The following SPATA21 variants were observed in gnomAD, a reference collection of about 807,000 sequenced individuals.
SPATA21 encodes the protein spermatogenesis associated 21, also known as spermatogenesis-associated protein 21.
SPATA21 carries 47 observed loss-of-function variants against 54.8 expected under a neutral mutation model. The ratio of observed to expected loss-of-function variants is 0.86; its 90% CI spans 0.68 to 1.09. SPATA21 has a LOEUF of 1.09. Ranked by LOEUF, SPATA21 falls within the 50% of genes least tolerant of loss-of-function variation. The probability of loss-of-function intolerance (pLI) is 0.00; values close to 1 mark genes in which losing one functional copy is unlikely to be tolerated. For missense variants in SPATA21, 599 were observed against 596.4 expected (o/e 1.00, Z -0.05); for synonymous variants, 245 against 235.3 (o/e 1.04, Z -0.38).
chr1:16,424,094 T>C (rs901960663), intron 3 of SPATA21, among the ~76,000 whole-genome samples: 4 of 150,802 alleles, frequency 2.7e-5, no homozygotes, highest in Non-Finnish European at 4.4e-5. Flanking sequence ...AAATATTAAA[T>C]TGTACACTTA....
At chr1:16,419,710 C>T (rs879479053) in intron 5 of SPATA21, among the ~76,000 whole-genome samples, 16 of 152,124 alleles carry the variant, frequency 1.1e-4, no homozygotes, top group South Asian at 2.1e-4. Flanking sequence ...GAGGCTGAGG[C>T]GGGCGGATCA....
intron 3 of SPATA21, among the ~76,000 whole-genome samples, chr1:16,429,726 G>A (rs146478904): frequency 0.07 from 10,109 of 145,204 alleles, 410 homozygotes; most frequent in Middle Eastern, 0.16. Context: ...CACCCGCCTC[G>A]GCCTCCCAAA....
At chr1:16,412,106 C>T (rs1056471267) in intron 5 of SPATA21, among the ~76,000 whole-genome samples, 3 of 152,156 alleles carry the variant, frequency 2.0e-5, no homozygotes, top group African/African-American at 7.2e-5. Flanking sequence ...CCCCTGCCTC[C>T]GGTGCTGGCT....
Position 16,411,805 on chromosome 1 carries a change from AAAAC to A in SPATA21, c.145-1766_145-1763del, listed in dbSNP as rs1163881343. ...ACTCTGTCTCAAAAAAAAAAAAAAA[AAAAC>A]AAAACAAAACAAAGTCTCCTGATAC... On this transcript the variant is annotated intron_variant, in intron 5 of 12. Transcript: ENST00000335496. Among the ~76,000 whole-genome samples the A allele has an allele frequency of 1.7e-4, 23 of 133,524 alleles. 3 individuals carry two copies. The highest frequency in any genetic ancestry group is 1.6e-4 in the Non-Finnish European group (10 of 61,158). The allele number at this position is 133,524 out of a possible 152,430, so 87.6% of individuals were successfully genotyped here.
chr1:16,409,640 T>G lies in SPATA21; in HGVS notation c.548A>C (p.His183Pro). 5 of 1,613,018 alleles carry G rather than the reference T, an allele frequency of 3.1e-6. No homozygotes were observed. Among genetic ancestry groups the G allele is most frequent in the Non-Finnish European group, 4.2e-6 (5 of 1,179,978 alleles). The change falls in exon 6 of 13, where the codon CAC becomes CCC. Residue 183 changes from histidine to proline, a missense_variant. Physicochemically the swap from His to Pro is moderately conservative, Grantham distance 77 (BLOSUM62 -2). Coordinates refer to ENST00000335496, the MANE Select transcript of SPATA21 (RefSeq NM_198546.1). This position sits in a 1 kb window ranked among gnomAD's most constrained non-coding sequence, Gnocchi z 4.1. The part of the protein sequence containing the change: ...DLGWRRMELL[H>P]QSSERTLSYA... ...GCTCAGGGTTCTCTCGCTGCTCTGG[T>G]GCAAGAGTTCCATCCTTCTCCAGCC... is the stretch of plus-strand genomic sequence containing the variant.
chr1:16,429,358 C>T (rs2086400629), intron 3 of SPATA21, among the ~76,000 whole-genome samples: 1 of 151,498 alleles, frequency 6.6e-6, no homozygotes, highest in African/African-American at 2.4e-5. Flanking sequence ...TCTTTAACTC[C>T]TGGGATCAAG....
chr1:16,407,665 G>C (rs2085687037), intron 7 of SPATA21, among the ~76,000 whole-genome samples: 1 of 151,936 alleles, frequency 6.6e-6, no homozygotes, highest in South Asian at 2.1e-4. Context: ...TCACCATGTT[G>C]GTCAGGCTGG....
At chr1:16,414,855 T>C (rs1255924053) in intron 5 of SPATA21, among the ~76,000 whole-genome samples, 1 of 143,766 alleles carries the variant, frequency 7.0e-6, no homozygotes, top group Non-Finnish European at 1.5e-5. Flanking sequence ...ATCACACCAT[T>C]GCACTTTAGC....
chr1:16,427,994 C>A, intron 3 of SPATA21: 1 of 1,549,416 alleles, frequency 6.5e-7, no homozygotes, highest in Non-Finnish European at 8.7e-7. Flanking sequence ...CTGCCCACTT[C>A]CGAAGCATCC....
chr1:16,432,442 C>G (rs1278260635), intron 2 of SPATA21, among the ~76,000 whole-genome samples: 2 of 151,860 alleles, frequency 1.3e-5, no homozygotes, highest in Non-Finnish European at 2.9e-5. Context: ...CCTTTCATCT[C>G]TCCTCCACCT....
At chr1:16,404,224 C>A (rs2085555338) in intron 8 of SPATA21, among the ~76,000 whole-genome samples, 185 bp from the exon 9 acceptor site, 1 of 152,202 alleles carries the variant, frequency 6.6e-6, no homozygotes, top group African/African-American at 2.4e-5. Context: ...AATCCCAGCA[C>A]TTTGGGAGGC....
intron 1 of SPATA21, among the ~76,000 whole-genome samples, chr1:16,436,605 A>T (rs1024180750): frequency 6.6e-6 from 1 of 151,784 alleles, no homozygotes; most frequent in Non-Finnish European, 1.5e-5. Flanking sequence ...GTTTCTACTA[A>T]AAATACAAAA....
chr1:16,422,117 G>C, intron 3 of SPATA21, 146 bp from the exon 4 acceptor site: 1 of 1,520,400 alleles, frequency 6.6e-7, no homozygotes. Context: ...GCTGGCCATG[G>C]CTGGCCAAGC....
At chr1:16,422,870 GA>G (rs1210026856) in intron 3 of SPATA21, among the ~76,000 whole-genome samples, 1 of 152,080 alleles carries the variant, frequency 6.6e-6, no homozygotes, top group Admixed American at 6.6e-5. Context: ...TCCTTAAAAA[GA>G]GGAGGTTTTG....
At chr1:16,419,869 G>A (rs1383862932) in intron 5 of SPATA21, among the ~76,000 whole-genome samples, 1 of 152,218 alleles carries the variant, frequency 6.6e-6, no homozygotes, top group Non-Finnish European at 1.5e-5. Flanking sequence ...GAACCTCAGA[G>A]ACAGAGGTTG....
intron 3 of SPATA21, chr1:16,422,185 A>T: frequency 7.0e-7 from 1 of 1,435,698 alleles, no homozygotes; most frequent in Non-Finnish European, 9.1e-7. Context: ...GTGGATTGAT[A>T]TCCGGAGCCC....
chr1:16,417,786 T>C (rs959710425), intron 5 of SPATA21, among the ~76,000 whole-genome samples: 1 of 152,122 alleles, frequency 6.6e-6, no homozygotes, highest in Non-Finnish European at 1.5e-5. Context: ...ACCTGGTTGG[T>C]CTTGAACTAC....
chr1:16,425,095 T>A, intron 3 of SPATA21: 1 of 372,772 alleles, frequency 2.7e-6, no homozygotes, highest in Non-Finnish European at 5.4e-6. Flanking sequence ...ATTTTATATT[T>A]TTTAGTAGAG....
At chr1:16,417,372 C>T (rs976166505) in intron 5 of SPATA21, among the ~76,000 whole-genome samples, 1 of 151,864 alleles carries the variant, frequency 6.6e-6, no homozygotes, top group Non-Finnish European at 1.5e-5. Flanking sequence ...GATTCTCCTG[C>T]CTCAGCCTCC....
Sources: gnomAD v4.1 joint callset for allele counts (sites outside exome capture counted in the v4.1 genomes callset) on GRCh38, gnomAD v4.1.1 for gene constraint, Gnocchi (gnomAD v3.1) non-coding constraint, MANE v1.5 for transcripts, NCBI Gene and HGNC (gene_info 2026-07-23, HGNC 2026-07-21) for gene names.